SOX6: variants seen among roughly 807,000 people sequenced by gnomAD.
SOX6 encodes the protein SRY-box transcription factor 6, also known as transcription factor SOX-6.
SOX6 carries 11 observed loss-of-function variants against 97.8 expected under a neutral mutation model. The observed-to-expected ratio is 0.11, with a 90% CI of 0.07 to 0.19. SOX6 has a LOEUF of 0.19. SOX6 is among the 10% of genes least tolerant of loss of function. The probability of loss-of-function intolerance (pLI) is 1.00; values close to 1 mark genes in which losing one functional copy is unlikely to be tolerated. For missense variants in SOX6, 810 were observed against 1,039.5 expected, an observed-to-expected ratio of 0.78 and a Z score of 3.04; for synonymous variants, 360 against 371.4, an observed-to-expected ratio of 0.97 and a Z score of 0.35.
intron 10 of SOX6, 144 bp downstream of exon 10, chr11:16,055,608 G>T: frequency 1.1e-6 from 1 of 935,604 alleles, no homozygotes; most frequent in Non-Finnish European, 1.6e-6. Context: ...GCTCAATTAT[G>T]AAATTTACCA....
At chr11:16,260,855 T>TCTCACCA (rs1853866480) in intron 3 of SOX6, among the ~76,000 whole-genome samples, 1 of 152,070 alleles carries the variant, frequency 6.6e-6, no homozygotes, top group African/African-American at 2.4e-5. Context: ...CTCCAGCTAT[T>TCTCACCA]CTCACCACTC....
At chr11:16,515,447 G>T in intron 4 of SOX6, among the ~76,000 whole-genome samples, 1 of 139,114 alleles carries the variant, frequency 7.2e-6, no homozygotes, top group African/African-American at 2.6e-5. Flanking sequence ...CTGGATATTA[G>T]CCCTTTGTCA....
At chr11:16,641,439 G>C (rs1848912027) in intron 3 of SOX6, among the ~76,000 whole-genome samples, 1 of 152,150 alleles carries the variant, frequency 6.6e-6, no homozygotes, top group African/African-American at 2.4e-5. Flanking sequence ...GTGCAGAGCT[G>C]AGTTCAATTC....
chr11:16,548,165 C>T lies in SOX6; in HGVS notation n.609+63916G>A, dbSNP rs116106346. Among the ~76,000 whole-genome samples the T allele has an allele frequency of 7.0e-3, 1,066 of 152,126 alleles. 8 individuals are homozygous for T. The highest frequency in any genetic ancestry group is 0.024 in the African/African-American group (1,007 of 41,502). On this transcript the variant is annotated intron_variant and non_coding_transcript_variant, in intron 4 of 5. Coordinates refer to the SOX6 transcript ENST00000524520. ...AAATTAAAACTGCCAATTTAGAATC[C>T]GTTTAGGCAAAAATATCTTTCTAAT...
Position 16,531,858 on chromosome 11 carries a change from T to C in SOX6, n.610-55470A>G, listed in dbSNP as rs190821166. 3.7e-4 allele frequency among the ~76,000 whole-genome samples: 57 copies of C among 152,076 alleles called. No individual in the cohort carries two copies. The Middle Eastern group carries it at 0.01, about 27-fold the overall frequency. On this transcript the variant is annotated intron_variant and non_coding_transcript_variant, in intron 4 of 5. Coordinates refer to the SOX6 transcript ENST00000524520. ...CCAGTTTGCTACTACATTGTTTCGCTTAAGGACAAGAGTCTATTGTATTTT... is the reference window on the plus strand; with the variant it reads ...CCAGTTTGCTACTACATTGTTTCGCCTAAGGACAAGAGTCTATTGTATTTT...
intron 3 of SOX6, among the ~76,000 whole-genome samples, chr11:16,274,842 C>G (rs1307977611): frequency 5.3e-5 from 8 of 152,000 alleles, no homozygotes; most frequent in Admixed American, 3.3e-4. Context: ...AATTATTAGG[C>G]CTTTTGGCTT....
chr11:16,101,041 G>A (rs1848932962), intron 7 of SOX6, among the ~76,000 whole-genome samples: 1 of 151,588 alleles, frequency 6.6e-6, no homozygotes, highest in South Asian at 2.1e-4. Flanking sequence ...AAATTATTGT[G>A]TGCCAGCATC....
At chr11:16,103,163 C>T (rs535562480) in intron 7 of SOX6, among the ~76,000 whole-genome samples, 1 of 151,682 alleles carries the variant, frequency 6.6e-6, no homozygotes, top group Admixed American at 6.6e-5. Flanking sequence ...CTACAAAGAA[C>T]TCAAATCGCA....
intron 12 of SOX6, among the ~76,000 whole-genome samples, chr11:16,033,763 T>C (rs1051429901): frequency 6.6e-6 from 1 of 152,026 alleles, no homozygotes; most frequent in African/African-American, 2.4e-5. Flanking sequence ...TTCCAGCTAC[T>C]GGGGCGGCTG....
At chr11:16,082,194 T>A (rs1424374742) in intron 9 of SOX6, among the ~76,000 whole-genome samples, 1 of 152,144 alleles carries the variant, frequency 6.6e-6, no homozygotes, top group Non-Finnish European at 1.5e-5. Flanking sequence ...TCTGAGTTAA[T>A]CCACAGCTGT....
intron 1 of SOX6, among the ~76,000 whole-genome samples, chr11:16,354,346 A>C (rs1857022575): frequency 6.6e-6 from 1 of 152,044 alleles, no homozygotes; most frequent in South Asian, 2.1e-4. Flanking sequence ...CTTAAAGAAA[A>C]AGATTCTGAA....
At chr11:16,270,325 A>C (rs776043088) in intron 3 of SOX6, among the ~76,000 whole-genome samples, 4 of 151,378 alleles carry the variant, frequency 2.6e-5, no homozygotes, top group Non-Finnish European at 5.9e-5. Context: ...TATAATTTTT[A>C]AAAAAGAAAA....
chr11:16,556,818 T>C (rs1474593776), intron 4 of SOX6, among the ~76,000 whole-genome samples: 1 of 151,828 alleles, frequency 6.6e-6, no homozygotes, highest in Non-Finnish European at 1.5e-5. Flanking sequence ...GGCACAAATT[T>C]TATTCTGTAG....
At chr11:16,114,618 A>T (rs1849305312) in intron 6 of SOX6, among the ~76,000 whole-genome samples, 3 of 152,234 alleles carry the variant, frequency 2.0e-5, no homozygotes, top group Non-Finnish European at 4.4e-5. Context: ...GAAAGAAAAC[A>T]TGAGCCAACT....
chr11:16,728,990 G>A (rs1319309660), intron 2 of SOX6, among the ~76,000 whole-genome samples: 1 of 152,122 alleles, frequency 6.6e-6, no homozygotes, highest in Admixed American at 6.5e-5. Flanking sequence ...AGACACTGAA[G>A]ATCAACTTAA....
chr11:16,569,302 G>A (rs1393134422), intron 4 of SOX6, among the ~76,000 whole-genome samples: 1 of 152,130 alleles, frequency 6.6e-6, no homozygotes, highest in Admixed American at 6.5e-5. Flanking sequence ...CAAAATGCCA[G>A]TGCAACAAAA....
chr11:16,329,068 A>G (rs1438691320), intron 2 of SOX6, among the ~76,000 whole-genome samples: 3 of 152,172 alleles, frequency 2.0e-5, no homozygotes, highest in Admixed American at 2.0e-4. Flanking sequence ...AATTGAAATA[A>G]CATATGCCAC....
chr11:16,097,326 A>T (rs1281900260), intron 8 of SOX6, among the ~76,000 whole-genome samples: 2 of 151,892 alleles, frequency 1.3e-5, no homozygotes, highest in African/African-American at 4.8e-5. Flanking sequence ...GAAAAAGCTA[A>T]CATGTATGCA....
intron 3 of SOX6, among the ~76,000 whole-genome samples, chr11:16,680,280 C>T (rs1040245206): frequency 1.3e-5 from 2 of 152,162 alleles, no homozygotes; most frequent in Middle Eastern, 3.2e-3. Flanking sequence ...CCCTACAAGC[C>T]AGAAGAGAGT....
Sources: allele counts gnomAD v4.1 joint callset (sites outside exome capture counted in the v4.1 genomes callset), GRCh38; gene constraint gnomAD v4.1.1; transcripts MANE v1.5; gene names NCBI Gene and HGNC (gene_info 2026-07-23, HGNC 2026-07-21).